The following CDK7 variants were observed in gnomAD, a reference collection of about 807,000 sequenced individuals.
The protein encoded by CDK7 is cyclin-dependent kinase 7.
Under a neutral mutation model 49.1 loss-of-function variants are expected in CDK7, and 25 were observed. That is an observed-to-expected ratio of 0.51 (90% CI 0.37 to 0.71). CDK7 has a LOEUF of 0.71. Among genes scored for constraint, CDK7 ranks in the 30% least tolerant of loss-of-function variants. The pLI, the probability that CDK7 is intolerant of heterozygous loss-of-function variation, is 0.00. For synonymous variants in CDK7, 107 were observed against 140.0 expected, an observed-to-expected ratio of 0.76 and a Z score of 1.67; for missense variants, 316 against 411.7, an observed-to-expected ratio of 0.77 and a Z score of 2.01.
In CDK7 at chr5:69,252,436, TC is replaced by T; in HGVS notation, c.146del (p.Ser49Ter). 2 of 1,553,272 alleles carry T rather than the reference TC, an allele frequency of 1.3e-6. No individual in the cohort carries two copies. The highest frequency in any genetic ancestry group is 1.7e-6 in the Non-Finnish European group (2 of 1,146,712). Reference protein sequence around the residue: ...AIKKIKLGHRSEAKDGINRTA... With the variant: ...AIKKIKLGHRXEAKDGINRTA... Reference sequence around the variant, plus strand: ...CTACCAGATCAAACTTGGACATAGATCAGAAGCTAAAGATGGTAAGTATTTC... The same window carrying T: ...CTACCAGATCAAACTTGGACATAGATAGAAGCTAAAGATGGTAAGTATTTC... On this transcript the variant is annotated frameshift_variant, in exon 3 of 12. Transcript: ENST00000256443. LOFTEE classifies it high-confidence loss of function.
chr5:69,269,324 A>C (rs1313926523), intron 9 of CDK7, 31 bp downstream of exon 9: 1 of 1,469,376 alleles, frequency 6.8e-7, no homozygotes, highest in Non-Finnish European at 9.4e-7. Flanking sequence ...TTTGAAATGT[A>C]ATTAGGACTC....
At chr5:69,259,221 C>T (rs1258727741) in intron 6 of CDK7, among the ~76,000 whole-genome samples, 1 of 152,090 alleles carries the variant, frequency 6.6e-6, no homozygotes, top group African/African-American at 2.4e-5. Context: ...TTTCTTGTAG[C>T]TCTAAAATTC....
chr5:69,247,826 T>G (rs1749857149), intron 2 of CDK7, among the ~76,000 whole-genome samples: 1 of 152,176 alleles, frequency 6.6e-6, no homozygotes, highest in African/African-American at 2.4e-5. Flanking sequence ...ACAACACTGA[T>G]TACATAAACA....
intron 10 of CDK7, among the ~76,000 whole-genome samples, chr5:69,273,764 G>A (rs1751813679): frequency 6.6e-6 from 1 of 152,132 alleles, no homozygotes; most frequent in South Asian, 2.1e-4. Flanking sequence ...GTAATATTAA[G>A]CATACAAAAT....
intron 9 of CDK7, among the ~76,000 whole-genome samples, chr5:69,270,615 A>C (rs1751465333): frequency 6.6e-6 from 1 of 152,176 alleles, no homozygotes; most frequent in Non-Finnish European, 1.5e-5. Context: ...AGCTATGCTT[A>C]CTTTCCTTCT....
rs185896849 is a variant in CDK7, at chr5:69,258,563, T to A, written c.408+410T>A. Among the ~76,000 whole-genome samples, 867 of 152,154 alleles carry A rather than the reference T, an allele frequency of 5.7e-3. 5 individuals are homozygous for A. The highest frequency in any genetic ancestry group is 0.017 in the Middle Eastern group (5 of 294). On this transcript the variant is annotated intron_variant, in intron 6 of 11. Transcript: ENST00000256443. ...GCCCAGCTAATTTTTTGTATTTTTTTAGTAGAGACGGGGTTTCACCGTGTT... is the reference window on the plus strand; with the variant it reads ...GCCCAGCTAATTTTTTGTATTTTTTAAGTAGAGACGGGGTTTCACCGTGTT...
chr5:69,262,289 A>G lies in CDK7; in HGVS notation c.612A>G (p.Ala204=), dbSNP rs1347448651. The G allele has an allele frequency of 6.2e-7, 1 of 1,613,972 alleles. No homozygotes were observed. Among genetic ancestry groups the G allele is most frequent in the Non-Finnish European group, 8.5e-7 (1 of 1,179,958 alleles). The part of the protein sequence containing the change: ...VDMWAVGCIL[A]ELLLRVPFLP... ...TGTGGGCTGTTGGCTGTATATTAGC[A>G]GAGTTACTTCTAAGGGTAAGTCTAA... The change falls in exon 8 of 12, where the codon GCA becomes GCG. Residue 204 remains alanine, a synonymous_variant. Coordinates refer to ENST00000256443, the MANE Select transcript of CDK7 (RefSeq NM_001799.4).
At chr5:69,266,865 A>G (rs958441804) in intron 8 of CDK7, among the ~76,000 whole-genome samples, 3 of 152,226 alleles carry the variant, frequency 2.0e-5, no homozygotes, top group African/African-American at 4.8e-5. Context: ...CTTTAGGAAA[A>G]CCAAATTGTA....
chr5:69,237,812 A>G (rs1749104588), intron 2 of CDK7, among the ~76,000 whole-genome samples: 1 of 152,158 alleles, frequency 6.6e-6, no homozygotes, highest in African/African-American at 2.4e-5. Context: ...TTAGCCAGGC[A>G]TGGTGCCCCT....
chr5:69,234,961 G>C lies in CDK7; in HGVS notation c.-15G>C, dbSNP rs987103651. 6.3e-7 allele frequency: 1 copy of C among 1,587,010 alleles called. No homozygotes were observed. The highest frequency in any genetic ancestry group is 8.6e-7 in the Non-Finnish European group (1 of 1,166,818). On this transcript the variant is annotated 5_prime_UTR_variant, in exon 1 of 12. Coordinates refer to ENST00000256443, the MANE Select transcript of CDK7 (RefSeq NM_001799.4). Reference sequence around the variant, plus strand: ...GCTCGCCCTTTTCGGCTGGAGTCGGGCTTTACGGCGCCGGATGGCTCTGGA... The same window carrying C: ...GCTCGCCCTTTTCGGCTGGAGTCGGCCTTTACGGCGCCGGATGGCTCTGGA...
chr5:69,252,407 G>A lies in CDK7; in HGVS notation c.127-11G>A, dbSNP rs375761447. ...TTTTAATATATTTGGGTTTTTTTCC[G>A]TTTCTACCAGATCAAACTTGGACAT... is the stretch of plus-strand genomic sequence containing the variant. On this transcript the variant is annotated splice_polypyrimidine_tract_variant and intron_variant, in intron 2 of 11. Coordinates refer to ENST00000256443, the MANE Select transcript of CDK7 (RefSeq NM_001799.4). 22 of 1,516,934 alleles carry A rather than the reference G, an allele frequency of 1.5e-5. No individual in the cohort carries two copies. The highest frequency in any genetic ancestry group is 1.0e-4 in the Admixed American group (5 of 49,976). 94.0% of individuals were successfully genotyped at this position (1,516,934 alleles called of 1,614,324 possible).
intron 10 of CDK7, among the ~76,000 whole-genome samples, 167 bp downstream of exon 10, chr5:69,273,208 A>G (rs1314716742): frequency 2.6e-5 from 4 of 152,076 alleles, no homozygotes; most frequent in Admixed American, 6.6e-5. Flanking sequence ...TACAAACACT[A>G]TTAAGACTGA....
At chr5:69,252,301 G>A (rs956547874) in intron 2 of CDK7, 117 bp from the exon 3 acceptor site, 3 of 696,958 alleles carry the variant, frequency 4.3e-6, no homozygotes, top group African/African-American at 1.9e-5. Context: ...GTACATATTG[G>A]TTGCTAATTG....
chr5:69,267,563 C>G (rs766468159), intron 8 of CDK7, among the ~76,000 whole-genome samples: 9 of 152,064 alleles, frequency 5.9e-5, no homozygotes, highest in Non-Finnish European at 8.8e-5. Context: ...TCCTAAAGTG[C>G]TGGGATTACA....
At chr5:69,269,157 T>A (rs200014751) in intron 8 of CDK7, 50 bp from the exon 9 acceptor site, 123 of 1,214,094 alleles carry the variant, frequency 1.0e-4, no homozygotes, top group Non-Finnish European at 1.2e-4. Flanking sequence ...AAGAAAAAAA[T>A]TAAAAAAAAA....
rs545247410 is a variant in CDK7, at chr5:69,260,074, C to T, written c.527+138C>T. 1,425 of 611,844 alleles carry T rather than the reference C, an allele frequency of 2.3e-3. 3 individuals are homozygous for T. Among genetic ancestry groups the T allele is most frequent in the Non-Finnish European group, 2.8e-3 (983 of 353,126 alleles). 37.9% of individuals were successfully genotyped at this position (611,844 alleles called of 1,614,324 possible). ...TAAAAAATACTGCCATTTGGCCAGGCGCGGTGACTCATGCCTGTAATCCCA... is the reference window on the plus strand; with the variant it reads ...TAAAAAATACTGCCATTTGGCCAGGTGCGGTGACTCATGCCTGTAATCCCA... On this transcript the variant is annotated intron_variant, in intron 7 of 11. Coordinates refer to ENST00000256443, the MANE Select transcript of CDK7 (RefSeq NM_001799.4).
At chr5:69,254,058 CCA>C (rs1480388918) in intron 3 of CDK7, among the ~76,000 whole-genome samples, 1 of 152,114 alleles carries the variant, frequency 6.6e-6, no homozygotes, top group African/African-American at 2.4e-5. Flanking sequence ...CGAGATCATG[CCA>C]CTGCACTCCA....
intron 2 of CDK7, among the ~76,000 whole-genome samples, chr5:69,251,445 A>C (rs1264460588): frequency 1.3e-5 from 2 of 151,918 alleles, no homozygotes; most frequent in African/African-American, 2.4e-5. Flanking sequence ...GGGTCTTGCT[A>C]TGTTGCCCAG....
chr5:69,236,059 G>A (rs1212798747), intron 2 of CDK7, among the ~76,000 whole-genome samples: 1 of 152,100 alleles, frequency 6.6e-6, no homozygotes, highest in Non-Finnish European at 1.5e-5. Flanking sequence ...TGGCCAACAT[G>A]GTGAAACCCT....
Sources: gnomAD v4.1 joint callset for allele counts (sites outside exome capture counted in the v4.1 genomes callset) on GRCh38, gnomAD v4.1.1 for gene constraint, MANE v1.5 for transcripts, NCBI Gene and HGNC (gene_info 2026-07-23, HGNC 2026-07-21) for gene names.